Variants in RBFOX1 observed in about 807,000 individuals in gnomAD.
RBFOX1 encodes the protein RNA binding protein fox-1 homolog 1.
RBFOX1 carries 8 observed loss-of-function variants against 57.7 expected under a neutral mutation model. That is an observed-to-expected ratio of 0.14 (90% CI 0.08 to 0.25). The LOEUF (loss-of-function observed/expected upper bound fraction) is 0.25, where lower values mean the gene tolerates loss of function less well. RBFOX1 is among the 10% of genes least tolerant of loss of function. RBFOX1 has a pLI of 1.00. For synonymous variants in RBFOX1, 326 were observed against 222.4 expected (o/e 1.47, Z -4.15); for missense variants, 611 against 548.5 (o/e 1.11, Z -1.14).
chr16:6,891,013 A>G (rs1291067237), intron 3 of RBFOX1, among the ~76,000 whole-genome samples: 2 of 152,128 alleles, frequency 1.3e-5, no homozygotes, highest in East Asian at 3.9e-4. Context: ...AACACTGTGA[A>G]CGTTTTGAGG....
Position 5,292,338 on chromosome 16 carries a change from G to A in RBFOX1, c.219+52233G>A, listed in dbSNP as rs181320868. ...TTTGTGCAGTGAAGGAAAAGTTGAG[G>A]AGTGCCTCTGTTGTTTTCCCCCAAA... On this transcript the variant is annotated intron_variant, in intron 1 of 2. Transcript: ENST00000585867. 4.0e-3 allele frequency among the ~76,000 whole-genome samples: 604 copies of A among 152,326 alleles called. 3 individuals are homozygous for A. The highest frequency in any genetic ancestry group is 0.013 in the African/African-American group (553 of 41,570).
chr16:6,346,222 A>G (rs187539400), intron 2 of RBFOX1, among the ~76,000 whole-genome samples: 2 of 152,324 alleles, frequency 1.3e-5, no homozygotes, highest in East Asian at 3.9e-4. Context: ...TATAGTGCCA[A>G]TAATGAGCCC....
chr16:7,082,876 G>C (rs932109059), intron 4 of RBFOX1, among the ~76,000 whole-genome samples: 4 of 152,146 alleles, frequency 2.6e-5, no homozygotes, highest in Non-Finnish European at 5.9e-5. Flanking sequence ...CTGATAACTG[G>C]ATTAATTATT....
intron 1 of RBFOX1, among the ~76,000 whole-genome samples, chr16:6,086,246 A>G (rs1284089117): frequency 2.6e-5 from 4 of 152,142 alleles, no homozygotes; most frequent in African/African-American, 9.7e-5. Context: ...GAATTTTGCA[A>G]GTGAGTTGTT....
At chr16:5,274,959 T>G (rs1342539690) in intron 1 of RBFOX1, among the ~76,000 whole-genome samples, 1 of 152,214 alleles carries the variant, frequency 6.6e-6, no homozygotes, top group Non-Finnish European at 1.5e-5. Context: ...TATCACCTCA[T>G]GTACTAAGAC....
intron 2 of RBFOX1, among the ~76,000 whole-genome samples, chr16:6,623,443 CTTTTTT>C (rs57896155): frequency 6.7e-6 from 1 of 149,228 alleles, no homozygotes; most frequent in East Asian, 2.0e-4. Context: ...GGTGAAAATT[CTTTTTT>C]TTTTTTTATT....
At chr16:7,363,688 G>T (rs919092629) in intron 4 of RBFOX1, among the ~76,000 whole-genome samples, 1 of 152,116 alleles carries the variant, frequency 6.6e-6, no homozygotes, top group East Asian at 1.9e-4. Context: ...CATTTAAGTT[G>T]TTTTGTTGGA....
chr16:7,071,648 TACA>T (rs2057365869), intron 4 of RBFOX1, among the ~76,000 whole-genome samples: 1 of 151,188 alleles, frequency 6.6e-6, no homozygotes, highest in Non-Finnish European at 1.5e-5. Flanking sequence ...GGGTAATTTA[TACA>T]TACATACATA....
chr16:6,039,639 A>G (rs1041612918), intron 1 of RBFOX1, among the ~76,000 whole-genome samples: 4 of 152,196 alleles, frequency 2.6e-5, no homozygotes, highest in African/African-American at 9.6e-5. Context: ...GAGTGTGTTC[A>G]GTTATTTTGA....
At chr16:6,921,787 C>T (rs2074514988) in intron 3 of RBFOX1, among the ~76,000 whole-genome samples, 1 of 98,136 alleles carries the variant, frequency 1.0e-5, no homozygotes, top group Admixed American at 1.2e-4. Context: ...GTTGTATATG[C>T]ACACACACAT....
At chr16:6,756,788 A>G (rs554132744) in intron 3 of RBFOX1, among the ~76,000 whole-genome samples, 1 of 152,220 alleles carries the variant, frequency 6.6e-6, no homozygotes, top group East Asian at 1.9e-4. Context: ...CCTGGCCAAC[A>G]TGGTGAAACT....
At chr16:7,292,523 T>C (rs953832100) in intron 4 of RBFOX1, among the ~76,000 whole-genome samples, 8 of 94,666 alleles carry the variant, frequency 8.5e-5, no homozygotes, top group African/African-American at 2.5e-4. Context: ...TATATAATAC[T>C]ATATGTATAC....
At chr16:5,801,802 C>T (rs897836946) in intron 3 of RBFOX1, among the ~76,000 whole-genome samples, 1 of 152,102 alleles carries the variant, frequency 6.6e-6, no homozygotes, top group Non-Finnish European at 1.5e-5. Flanking sequence ...AGAGAGTGAA[C>T]CGGGTGCCAA....
chr16:6,783,082 G>C (rs571311402), intron 3 of RBFOX1, among the ~76,000 whole-genome samples: 1 of 151,756 alleles, frequency 6.6e-6, no homozygotes, highest in Non-Finnish European at 1.5e-5. Context: ...CATTTGCATG[G>C]CATATCTTTT....
chr16:7,707,202 A>G (rs1411222725), intron 14 of RBFOX1, among the ~76,000 whole-genome samples: 1 of 152,176 alleles, frequency 6.6e-6, no homozygotes, highest in African/African-American at 2.4e-5. Flanking sequence ...TGGGCTTGAG[A>G]GTTGGAAGAT....
chr16:5,591,376 C>T (rs1230911761), intron 2 of RBFOX1, among the ~76,000 whole-genome samples: 1 of 151,968 alleles, frequency 6.6e-6, no homozygotes, highest in East Asian at 1.9e-4. Flanking sequence ...CTCAGCCTCC[C>T]TAGTAGCTGG....
chr16:6,129,335 G>A (rs1255667816), intron 1 of RBFOX1, among the ~76,000 whole-genome samples: 1 of 152,102 alleles, frequency 6.6e-6, no homozygotes, highest in African/African-American at 2.4e-5. Context: ...TCATAAAAAG[G>A]AATCAAATGG....
At chr16:6,804,235 C>T (rs1278371338) in intron 3 of RBFOX1, among the ~76,000 whole-genome samples, 1 of 151,788 alleles carries the variant, frequency 6.6e-6, no homozygotes, top group Non-Finnish European at 1.5e-5. Context: ...GACTCAAACT[C>T]CTGACCTCTT....
chr16:7,414,877 T>G (rs968098858), intron 4 of RBFOX1, among the ~76,000 whole-genome samples: 2 of 152,196 alleles, frequency 1.3e-5, no homozygotes, highest in South Asian at 4.1e-4. Context: ...TTCAGCCTTC[T>G]AAAATGCTGG....
Sources: allele counts gnomAD v4.1 joint callset (sites outside exome capture counted in the v4.1 genomes callset), GRCh38; gene constraint gnomAD v4.1.1; transcripts MANE v1.5; gene names NCBI Gene and HGNC (gene_info 2026-07-23, HGNC 2026-07-21).